NRF1: variants seen among roughly 807,000 people sequenced by gnomAD.
The protein encoded by NRF1 is nuclear respiratory factor 1, also known as alpha palindromic-binding protein.
In NRF1, 5 loss-of-function variants were observed where a neutral mutation model predicts 58.5. The ratio of observed to expected loss-of-function variants is 0.09; its 90% confidence interval spans 0.04 to 0.18. The LOEUF (loss-of-function observed/expected upper bound fraction) is 0.18. Among genes scored for constraint, NRF1 ranks in the 10% least tolerant of loss-of-function variants. The pLI is 1.00. For synonymous variants in NRF1, 224 were observed against 246.7 expected, an observed-to-expected ratio of 0.91 and a Z score of 0.86; for missense variants, 288 against 657.7, an observed-to-expected ratio of 0.44 and a Z score of 6.15.
At chr7:129,717,686 C>G (rs929271845) in intron 9 of NRF1, among the ~76,000 whole-genome samples, 9 of 152,130 alleles carry the variant, frequency 5.9e-5, no homozygotes, top group African/African-American at 1.9e-4. Flanking sequence ...ATGGAAAGAT[C>G]ATCTCCGCAT....
At chr7:129,655,742 G>T (rs542211248) in intron 1 of NRF1, among the ~76,000 whole-genome samples, 2 of 152,074 alleles carry the variant, frequency 1.3e-5, no homozygotes, top group Non-Finnish European at 2.9e-5. Flanking sequence ...GGCTGGTCCC[G>T]AACTCCCTAC....
chr7:129,733,857 C>G (rs370970048), intron 10 of NRF1, among the ~76,000 whole-genome samples: 9 of 151,904 alleles, frequency 5.9e-5, no homozygotes, highest in African/African-American at 2.2e-4. Context: ...AACCCTGTTT[C>G]TACAAAAAAT....
chr7:129,754,294 C>CAA (rs570036468), intron 10 of NRF1, among the ~76,000 whole-genome samples: 9 of 137,152 alleles, frequency 6.6e-5, no homozygotes, highest in East Asian at 2.1e-4. Context: ...GACTCCATCT[C>CAA]AAAAAAAAAA....
At chr7:129,643,644 T>C (rs1263931842) in intron 1 of NRF1, among the ~76,000 whole-genome samples, 4 of 152,242 alleles carry the variant, frequency 2.6e-5, no homozygotes, top group Non-Finnish European at 5.9e-5. Flanking sequence ...TATTGATATG[T>C]GTAGCTTCTG....
chr7:129,683,477 G>A (rs906348418), intron 4 of NRF1, among the ~76,000 whole-genome samples: 8 of 150,762 alleles, frequency 5.3e-5, no homozygotes, highest in African/African-American at 1.2e-4. Flanking sequence ...TTACAGGTGC[G>A]TGCCACCATG....
intron 8 of NRF1, among the ~76,000 whole-genome samples, chr7:129,715,975 A>C (rs1803178711): frequency 6.6e-6 from 1 of 151,998 alleles, no homozygotes; most frequent in South Asian, 2.1e-4. Context: ...ACTGCACTCC[A>C]GCCTGGGCAA....
At chr7:129,682,490 GC>G (rs764155892) in intron 4 of NRF1, among the ~76,000 whole-genome samples, 32 of 151,392 alleles carry the variant, frequency 2.1e-4, no homozygotes, top group Admixed American at 5.9e-4. Flanking sequence ...AAAAAACCCC[GC>G]AATGATAGTA....
In NRF1 at chr7:129,629,316, T is replaced by G. The variant is rs147813875; in HGVS notation, c.-7+17492T>G. ...TTCCTGAGATGGAGTCTTGCTCTTG[T>G]CACCCAGGCTGGAGTACAGTGGCGC... On this transcript the variant is annotated intron_variant, in intron 1 of 10. Transcript: ENST00000393232. 7.0e-3 allele frequency among the ~76,000 whole-genome samples: 1,023 copies of G among 146,274 alleles called. 14 individuals carry two copies. Among genetic ancestry groups the G allele is most frequent in the African/African-American group, 0.024 (958 of 39,298 alleles).
rs927975276 is a variant in NRF1 at position 129,734,994 on chromosome 7, G to A, written c.1348+7629G>A. On this transcript the variant is annotated intron_variant, in intron 10 of 10. Transcript: ENST00000393232. ...GGATCCTGGGGAAAGGGTCAGGGGCGTGTTCATTTTTGCCTGGAGCGAGTT... is the reference window on the plus strand; with the variant it reads ...GGATCCTGGGGAAAGGGTCAGGGGCATGTTCATTTTTGCCTGGAGCGAGTT... 13 of 904,940 alleles carry A rather than the reference G, an allele frequency of 1.4e-5. No homozygotes were observed. The East Asian group carries it at 3.6e-4, about 25-fold the overall frequency. 56.1% of individuals were successfully genotyped at this position (904,940 alleles called of 1,614,324 possible).
At chr7:129,637,724 C>T (rs1056765091) in intron 1 of NRF1, among the ~76,000 whole-genome samples, 2 of 152,136 alleles carry the variant, frequency 1.3e-5, no homozygotes, top group African/African-American at 4.8e-5. Flanking sequence ...TGTGTCAATA[C>T]ACATAAATCT....
intron 10 of NRF1, among the ~76,000 whole-genome samples, chr7:129,739,565 A>G (rs965910893): frequency 2.0e-5 from 3 of 151,716 alleles, no homozygotes; most frequent in Non-Finnish European, 4.4e-5. Flanking sequence ...AAATCTACCC[A>G]TGTGACTGCA....
chr7:129,636,852 A>G (rs939988734), intron 1 of NRF1, among the ~76,000 whole-genome samples: 1 of 152,214 alleles, frequency 6.6e-6, no homozygotes, highest in Non-Finnish European at 1.5e-5. Context: ...TGCTTGAATC[A>G]TATTGAACTT....
At chr7:129,614,212 T>C (rs1049967780) in intron 1 of NRF1, among the ~76,000 whole-genome samples, 1 of 152,002 alleles carries the variant, frequency 6.6e-6, no homozygotes, top group Non-Finnish European at 1.5e-5. Context: ...GCCTCCTGGG[T>C]TCAAGCGATT....
chr7:129,703,541 G>A (rs1802884163), intron 5 of NRF1, among the ~76,000 whole-genome samples: 1 of 152,008 alleles, frequency 6.6e-6, no homozygotes, highest in Non-Finnish European at 1.5e-5. Flanking sequence ...CCTTAGCACT[G>A]TTTATTTGGG....
At chr7:129,714,882 A>G (rs1215757316) in intron 8 of NRF1, among the ~76,000 whole-genome samples, 12 of 152,202 alleles carry the variant, frequency 7.9e-5, no homozygotes, top group African/African-American at 2.7e-4. Context: ...ACAAGCAGGC[A>G]CAAGGTAACT....
intron 1 of NRF1, among the ~76,000 whole-genome samples, chr7:129,645,089 C>A (rs957227038): frequency 6.6e-6 from 1 of 151,470 alleles, no homozygotes; most frequent in African/African-American, 2.4e-5. Context: ...TTCAACATTT[C>A]TTTGCTGTCC....
chr7:129,725,912 G>A (rs1337726636), intron 9 of NRF1, among the ~76,000 whole-genome samples: 1 of 152,136 alleles, frequency 6.6e-6, no homozygotes, highest in African/African-American at 2.4e-5. Flanking sequence ...CTTTTGCAGG[G>A]GAATTACTAT....
intron 1 of NRF1, among the ~76,000 whole-genome samples, chr7:129,631,236 ATTT>A (rs55900304): frequency 0.07 from 10,212 of 146,188 alleles, 452 homozygotes; most frequent in Non-Finnish European, 0.1. Context: ...ATTTGATTTA[ATTT>A]TTTTTTTTTT....
intron 1 of NRF1, among the ~76,000 whole-genome samples, chr7:129,631,210 T>G (rs1005228516): frequency 6.7e-6 from 1 of 149,314 alleles, no homozygotes; most frequent in Non-Finnish European, 1.5e-5. Flanking sequence ...TGAATATTTC[T>G]GAATCTTTCT....
Sources: allele counts gnomAD v4.1 joint callset (sites outside exome capture counted in the v4.1 genomes callset), GRCh38; gene constraint gnomAD v4.1.1; transcripts MANE v1.5; gene names NCBI Gene and HGNC (gene_info 2026-07-23, HGNC 2026-07-21).